PPM1L: variants seen among roughly 807,000 people sequenced by gnomAD.
The protein encoded by PPM1L is protein phosphatase, Mg2+/Mn2+ dependent 1L.
PPM1L carries 13 observed loss-of-function variants against 31.4 expected under a neutral mutation model. The ratio of observed to expected loss-of-function variants is 0.41; its 90% CI spans 0.27 to 0.66. PPM1L has a LOEUF of 0.66. PPM1L is among the 30% of genes least tolerant of loss of function. The pLI is 0.29. For synonymous variants in PPM1L, 184 were observed against 175.4 expected (o/e 1.05, Z -0.39); for missense variants, 326 against 453.7 (o/e 0.72, Z 2.56).
At chr3:161,064,814 T>C (rs1719674929) in intron 2 of PPM1L, among the ~76,000 whole-genome samples, 2 of 152,152 alleles carry the variant, frequency 1.3e-5, no homozygotes, top group Non-Finnish European at 2.9e-5. Flanking sequence ...CAGAGCTTTC[T>C]CTGCTTCTGT....
At chr3:160,847,264 T>C (rs996410731) in intron 1 of PPM1L, among the ~76,000 whole-genome samples, 4 of 152,204 alleles carry the variant, frequency 2.6e-5, no homozygotes, top group African/African-American at 9.6e-5. Context: ...ATGGCATATC[T>C]TCTTGTAGTA....
At chr3:161,062,370 G>A (rs1018068405) in intron 2 of PPM1L, among the ~76,000 whole-genome samples, 1 of 152,150 alleles carries the variant, frequency 6.6e-6, no homozygotes, top group African/African-American at 2.4e-5. Flanking sequence ...TAAAAGGCCA[G>A]CAGGCGGATC....
At chr3:160,972,454 GT>G (rs1716381514) in intron 2 of PPM1L, among the ~76,000 whole-genome samples, 1 of 150,128 alleles carries the variant, frequency 6.7e-6, no homozygotes, top group South Asian at 2.1e-4. Flanking sequence ...GAGGTGTTTG[GT>G]TTTTTGTCCT....
intron 1 of PPM1L, among the ~76,000 whole-genome samples, chr3:160,903,564 G>A (rs1484758453): frequency 1.3e-5 from 2 of 152,086 alleles, no homozygotes; most frequent in Admixed American, 6.5e-5. Context: ...GCCTTACCAA[G>A]TTTACATATA....
intron 1 of PPM1L, among the ~76,000 whole-genome samples, chr3:160,942,878 A>AT (rs1454686120): frequency 1.3e-5 from 2 of 151,986 alleles, no homozygotes; most frequent in African/African-American, 2.4e-5. Flanking sequence ...ATTCTTTATG[A>AT]TTTTTCATAA....
chr3:160,791,771 G>C (rs111969070), intron 1 of PPM1L, among the ~76,000 whole-genome samples: 2,583 of 152,260 alleles, frequency 0.017, 70 homozygotes, highest in African/African-American at 0.059. Flanking sequence ...GATGAAAAAG[G>C]CCTCTTGGAT....
intron 2 of PPM1L, among the ~76,000 whole-genome samples, chr3:160,999,970 C>T (rs1717431256): frequency 6.6e-6 from 1 of 152,174 alleles, no homozygotes; most frequent in South Asian, 2.1e-4. Context: ...TACTGATTTA[C>T]AGGTATTTCT....
At chr3:161,067,028 G>A (rs1460511585) in intron 3 of PPM1L, among the ~76,000 whole-genome samples, 1 of 152,128 alleles carries the variant, frequency 6.6e-6, no homozygotes, top group East Asian at 1.9e-4. Flanking sequence ...CAGGCAGTAG[G>A]AGCAAAGTTC....
At chr3:160,843,084 T>C (rs1713940753) in intron 1 of PPM1L, among the ~76,000 whole-genome samples, 1 of 148,890 alleles carries the variant, frequency 6.7e-6, no homozygotes, top group Admixed American at 6.6e-5. Context: ...AATCTAATTC[T>C]TTTTTTTAAA....
intron 1 of PPM1L, among the ~76,000 whole-genome samples, chr3:160,905,175 T>C (rs981692272): frequency 3.9e-5 from 6 of 152,158 alleles, no homozygotes; most frequent in Non-Finnish European, 7.4e-5. Context: ...ACCTCATATA[T>C]CTTTATTATA....
intron 1 of PPM1L, among the ~76,000 whole-genome samples, chr3:160,825,449 C>T (rs539381147): frequency 3.5e-4 from 54 of 152,216 alleles, no homozygotes; most frequent in Middle Eastern, 6.8e-3. Flanking sequence ...AGCTCACTTG[C>T]ATTGATTGCT....
chr3:160,767,170 A>G (rs559716753), intron 1 of PPM1L, among the ~76,000 whole-genome samples: 14 of 151,768 alleles, frequency 9.2e-5, no homozygotes, highest in African/African-American at 2.7e-4. Context: ...ACCATCCACC[A>G]TTAGTGCCCT....
intron 1 of PPM1L, among the ~76,000 whole-genome samples, chr3:160,793,264 A>G (rs1298175744): frequency 6.6e-6 from 1 of 152,242 alleles, no homozygotes; most frequent in Non-Finnish European, 1.5e-5. Flanking sequence ...GAAATGATTT[A>G]AAACTTATAT....
Position 161,072,367 on chromosome 3 carries a change from T to A in PPM1L, c.*3210T>A, listed in dbSNP as rs560219458. 6.6e-6 allele frequency: 1 copy of A among 152,370 alleles called. No homozygotes were observed. The highest frequency in any genetic ancestry group is 1.5e-5 in the Non-Finnish European group (1 of 68,040). The allele number at this position is 152,370 out of a possible 1,614,324, so 9.4% of individuals were successfully genotyped here. ...TTATTCCTTGCTGTGGACTGAGGTA[T>A]TGGCTTCTTGAATCTTGTATATGTC... is the stretch of plus-strand genomic sequence containing the variant. On this transcript the variant is annotated 3_prime_UTR_variant, in exon 4 of 4. Coordinates refer to ENST00000498165, the MANE Select transcript of PPM1L (RefSeq NM_139245.4).
intron 1 of PPM1L, among the ~76,000 whole-genome samples, chr3:160,848,374 A>C (rs1714147968): frequency 6.6e-6 from 1 of 152,108 alleles, no homozygotes; most frequent in Non-Finnish European, 1.5e-5. Flanking sequence ...AATCTAGTGG[A>C]CTTTTTTTTC....
intron 2 of PPM1L, among the ~76,000 whole-genome samples, chr3:161,003,232 G>T (rs1218689845): frequency 6.1e-5 from 9 of 147,226 alleles, no homozygotes; most frequent in East Asian, 2.0e-4. Flanking sequence ...TGCTGTTTTG[G>T]TTACTGTAGC....
At chr3:160,958,968 A>C (rs1002479391) in intron 1 of PPM1L, among the ~76,000 whole-genome samples, 4 of 152,222 alleles carry the variant, frequency 2.6e-5, no homozygotes, top group African/African-American at 4.8e-5. Context: ...AAGGAAAATA[A>C]GTTATTATAT....
chr3:160,988,041 T>G lies in PPM1L; in HGVS notation c.574+26131T>G, dbSNP rs141234791. On this transcript the variant is annotated intron_variant, in intron 2 of 3. Transcript: ENST00000498165. ...GAGTTAACGATTGAGAAGGAAATAA[T>G]GGGATCTCTAGAGTAGACACTGTCA... 1.6e-4 allele frequency among the ~76,000 whole-genome samples: 24 copies of G among 152,174 alleles called. No homozygotes were observed. In the East Asian group the frequency reaches 4.3e-3, roughly 27 times the overall value.
intron 1 of PPM1L, among the ~76,000 whole-genome samples, chr3:160,939,208 C>T (rs189259392): frequency 1.5e-3 from 231 of 152,196 alleles, no homozygotes; most frequent in Non-Finnish European, 2.2e-3. Flanking sequence ...TCTGATCTTC[C>T]GCCATTTCCT....
Sources: allele counts gnomAD v4.1 joint callset (sites outside exome capture counted in the v4.1 genomes callset), GRCh38; gene constraint gnomAD v4.1.1; transcripts MANE v1.5; gene names NCBI Gene and HGNC (gene_info 2026-07-23, HGNC 2026-07-21).